Variants in PRSS55 observed in about 807,000 individuals in gnomAD.
PRSS55 encodes probable serine protease UNQ9391/PRO34284.
Under a neutral mutation model 23.6 loss-of-function variants are expected in PRSS55, and 41 were observed. The observed-to-expected ratio is 1.74, with a 90% CI of 1.35 to 2.26. The LOEUF (loss-of-function observed/expected upper bound fraction) is 2.26, where lower values mean the gene tolerates loss of function less well. Among genes scored for constraint, PRSS55 ranks in the 30% most tolerant of loss-of-function variants. The pLI, the probability that PRSS55 is intolerant of heterozygous loss-of-function variation, is 0.00. For missense variants in PRSS55, 669 were observed against 439.1 expected, an observed-to-expected ratio of 1.52 and a Z score of -4.68; for synonymous variants, 262 against 175.5, an observed-to-expected ratio of 1.49 and a Z score of -3.90.
At chr8:10,543,442 TCCATC>T (rs1812720948), downstream of PRSS55, among the ~76,000 whole-genome samples, 23 of 102,104 alleles carry the variant, frequency 2.3e-4, no homozygotes, top group African/African-American at 7.8e-4. Flanking sequence ...CTTCCTTCCT[TCCATC>T]CTTCCTTCCT....
At chr8:10,534,203 G>A (rs963628815) in intron 4 of PRSS55, among the ~76,000 whole-genome samples, 2 of 152,140 alleles carry the variant, frequency 1.3e-5, no homozygotes, top group South Asian at 2.1e-4. Flanking sequence ...AATTCTCCCA[G>A]CCCCTCCCAC....
intron 4 of PRSS55, among the ~76,000 whole-genome samples, chr8:10,534,702 G>A (rs999225044): frequency 6.6e-6 from 1 of 152,142 alleles, no homozygotes; most frequent in African/African-American, 2.4e-5. Context: ...CATAGTACTA[G>A]AAGTCTTAGC....
chr8:10,542,970 C>A (rs1262291072), downstream of PRSS55, among the ~76,000 whole-genome samples: 1 of 151,804 alleles, frequency 6.6e-6, no homozygotes, highest in African/African-American at 2.4e-5. Flanking sequence ...CTGCTCTGCA[C>A]CCAGTGGCTC....
intron 1 of PRSS55, among the ~76,000 whole-genome samples, chr8:10,527,062 G>A (rs184748982): frequency 2.0e-5 from 3 of 152,276 alleles, no homozygotes; most frequent in Admixed American, 6.5e-5. Flanking sequence ...GCATGTTCAT[G>A]TACTTCCTTC....
chr8:10,550,022 C>T lies in PRSS55; in HGVS notation c.742-3921C>T, dbSNP rs775141628. 3.3e-5 allele frequency among the ~76,000 whole-genome samples: 5 copies of T among 152,292 alleles called. No individual in the cohort carries two copies. The East Asian group carries it at 5.8e-4, about 18-fold the overall frequency. On this transcript the variant is annotated intron_variant, in intron 4 of 4. Transcript: ENST00000522210. The stretch of plus-strand genomic sequence containing the variant: ...GCAGCCTCCGCCTCCCAGGTTCCAT[C>T]GATTCTCCTGCCTCAGCCTCCCAAG...
At chr8:10,552,976 G>A (rs914205222) in intron 4 of PRSS55, among the ~76,000 whole-genome samples, 1 of 152,212 alleles carries the variant, frequency 6.6e-6, no homozygotes, top group East Asian at 1.9e-4. Context: ...TCTCATGCTT[G>A]TATTATTCAT....
intron 1 of PRSS55, among the ~76,000 whole-genome samples, chr8:10,527,370 G>T (rs1329349995): frequency 6.6e-6 from 1 of 152,204 alleles, no homozygotes; most frequent in African/African-American, 2.4e-5. Context: ...CATTCAATCA[G>T]GGAATCAGCC....
rs371032219 is a variant in PRSS55 at position 10,531,303 on chromosome 8, A to T, written c.356A>T (p.Glu119Val). The change falls in exon 3 of 5, where the codon GAA becomes GTA. Residue 119 changes from glutamate to valine, a missense_variant. Coordinates refer to ENST00000328655, the MANE Select transcript of PRSS55 (RefSeq NM_198464.4). ...CLYSEELFPE[E>V]LSVVLGTNDL... Reference sequence around the variant, plus strand: ...TGGTTCTCTGCCACCAGTCCAGAAGAACTGAGTGTCGTGCTGGGGACCAAC... The same window carrying T: ...TGGTTCTCTGCCACCAGTCCAGAAGTACTGAGTGTCGTGCTGGGGACCAAC... The T allele has an allele frequency of 5.0e-6, 8 of 1,613,888 alleles. No homozygotes were observed. The African/African-American group carries it at 1.1e-4, about 22-fold the overall frequency.
intron 4 of PRSS55, among the ~76,000 whole-genome samples, chr8:10,533,382 G>A (rs1337070367): frequency 1.3e-5 from 2 of 152,124 alleles, no homozygotes; most frequent in East Asian, 3.9e-4. Context: ...AGTCATTTTA[G>A]TTCATTAACT....
At chr8:10,547,810 G>T (rs1812855515) in intron 4 of PRSS55, among the ~76,000 whole-genome samples, 1 of 148,428 alleles carries the variant, frequency 6.7e-6, no homozygotes, top group South Asian at 2.1e-4. Context: ...CATTTGCCGA[G>T]AGTCTTTTAT....
At chr8:10,543,463 C>CCTTCCTTCCTTT (rs71203336), downstream of PRSS55, among the ~76,000 whole-genome samples, 285 of 49,704 alleles carry the variant, frequency 5.7e-3, 2 homozygotes, top group East Asian at 0.01. Context: ...TTCCTTCCTT[C>CCTTCCTTCCTTT]CTTTCTTTCT....
At chr8:10,549,021 T>C (rs1472795519) in intron 4 of PRSS55, among the ~76,000 whole-genome samples, 1 of 152,114 alleles carries the variant, frequency 6.6e-6, no homozygotes, top group African/African-American at 2.4e-5. Context: ...CTGCTGTATA[T>C]ACAGGCATAA....
At chr8:10,544,901 GTCTC>G in intron 4 of PRSS55, 2 of 543,840 alleles carry the variant, frequency 3.7e-6, no homozygotes, top group South Asian at 1.6e-4. Flanking sequence ...TTAACTTTAT[GTCTC>G]ATAGATTTTA....
downstream of PRSS55, among the ~76,000 whole-genome samples, chr8:10,543,758 T>A (rs1026282573): frequency 6.6e-6 from 1 of 152,090 alleles, no homozygotes; most frequent in African/African-American, 2.4e-5. Context: ...CCTTAAAGTA[T>A]TTTCTAATTT....
chr8:10,554,014 C>T (rs1260545003), exon 5 of PRSS55: 13 of 1,529,438 alleles, frequency 8.5e-6, no homozygotes, highest in South Asian at 3.7e-5. Flanking sequence ...GGTCTCACAC[C>T]TTTCATCTGC....
intron 4 of PRSS55, among the ~76,000 whole-genome samples, chr8:10,551,488 C>T (rs1337681070): frequency 3.9e-5 from 6 of 152,186 alleles, no homozygotes; most frequent in South Asian, 2.1e-4. Context: ...CAGGCTGTGA[C>T]GTGCAGCACA....
chr8:10,526,293 G>A lies in PRSS55; in HGVS notation c.154+554G>A, dbSNP rs551457408. ...GGTGGGGCATCTGCTCTCAGACAACGTGTGGATGAGGAACTCAAAGCCTGA... is the reference window on the plus strand; with the variant it reads ...GGTGGGGCATCTGCTCTCAGACAACATGTGGATGAGGAACTCAAAGCCTGA... On this transcript the variant is annotated intron_variant, in intron 1 of 4. Transcript: ENST00000328655. 1.1e-4 allele frequency among the ~76,000 whole-genome samples: 16 copies of A among 152,330 alleles called. No homozygotes were observed. In the South Asian group the frequency reaches 2.3e-3, roughly 22 times the overall value.
At chr8:10,536,111 A>G (rs1359276277) in intron 4 of PRSS55, among the ~76,000 whole-genome samples, 3 of 152,182 alleles carry the variant, frequency 2.0e-5, no homozygotes, top group Non-Finnish European at 4.4e-5. Context: ...GCGTGAACCC[A>G]GGAGGCGGAG....
At chr8:10,544,605 C>T (rs147329038) in intron 4 of PRSS55, among the ~76,000 whole-genome samples, 1 of 152,080 alleles carries the variant, frequency 6.6e-6, no homozygotes, top group African/African-American at 2.4e-5. Flanking sequence ...TCCTTTATAG[C>T]CTTTTGTGTC....
Sources: gnomAD v4.1 joint callset for allele counts (sites outside exome capture counted in the v4.1 genomes callset) on GRCh38, gnomAD v4.1.1 for gene constraint, MANE v1.5 for transcripts, NCBI Gene and HGNC (gene_info 2026-07-23, HGNC 2026-07-21) for gene names.